Variants in TBP observed in about 807,000 individuals in gnomAD.
TBP encodes TATA-box-binding protein.
In TBP, 12 loss-of-function variants were observed where a neutral mutation model predicts 46.2. The ratio of observed to expected loss-of-function variants is 0.26; its 90% confidence interval spans 0.17 to 0.42. The LOEUF (loss-of-function observed/expected upper bound fraction) is 0.42. TBP is among the 10% of genes least tolerant of loss of function. The probability of loss-of-function intolerance (pLI) is 1.00; values close to 1 mark genes in which losing one functional copy is unlikely to be tolerated. For synonymous variants in TBP, 157 were observed against 148.3 expected, an observed-to-expected ratio of 1.06 and a Z score of -0.42; for missense variants, 229 against 403.1, an observed-to-expected ratio of 0.57 and a Z score of 3.70.
rs1244710152 is a variant in TBP at position 170,562,020 on chromosome 6, AGGCAGT to A, written c.290_295del (p.Val97_Ala98del). ...CAGCAGCAGCAGCAGCAGCAGCAAC[AGGCAGT>A]GGCAGCTGCAGCCGTTCAGCAGTCA... On this transcript the variant is annotated inframe_deletion, in exon 3 of 8. Coordinates refer to ENST00000392092, the MANE Select transcript of TBP (RefSeq NM_003194.5). The A allele has an allele frequency of 1.2e-6, 2 of 1,611,808 alleles. No homozygotes were observed. The highest frequency in any genetic ancestry group is 1.7e-6 in the Non-Finnish European group (2 of 1,179,570).
At chr6:170,566,868 A>G (rs745424208) in intron 4 of TBP, 50 bp from the exon 5 acceptor site, 2 of 1,563,790 alleles carry the variant, frequency 1.3e-6, no homozygotes, top group East Asian at 2.3e-5. Context: ...GCCTAACAAC[A>G]TTGAGCAGTT....
rs189123194 is a variant in TBP, at chr6:170,568,921, T to C, written c.678-691T>C. ...TCCACCTCCCAGGTTCAAGTGATTCTCCTGCCTCAGCCTCCCAAGTAGCTG... is the reference window on the plus strand; with the variant it reads ...TCCACCTCCCAGGTTCAAGTGATTCCCCTGCCTCAGCCTCCCAAGTAGCTG... On this transcript the variant is annotated intron_variant, in intron 5 of 7. Transcript: ENST00000392092. 5.9e-4 allele frequency among the ~76,000 whole-genome samples: 83 copies of C among 141,600 alleles called. 3 individuals carry two copies. The East Asian group carries it at 0.017, about 30-fold the overall frequency. The allele number at this position is 141,600 out of a possible 152,430, so 92.9% of individuals were successfully genotyped here. A position where few individuals can be genotyped will look rare whatever the true frequency, so the allele number is the denominator to read the frequency against.
At chr6:170,569,907 T>A (rs1276316606) in intron 6 of TBP, 128 bp downstream of exon 6, 4 of 864,432 alleles carry the variant, frequency 4.6e-6, no homozygotes, top group Non-Finnish European at 6.8e-6. Context: ...GTTGTATGTA[T>A]TCTTGCATTG....
intron 5 of TBP, among the ~76,000 whole-genome samples, chr6:170,568,760 C>T (rs1463012962): frequency 6.8e-6 from 1 of 148,008 alleles, no homozygotes; most frequent in Non-Finnish European, 1.5e-5. Context: ...ACCTGCCTGC[C>T]TGCCTTTTTC....
At chr6:170,571,953 G>C (rs1482994266) in intron 7 of TBP, among the ~76,000 whole-genome samples, 6 of 151,714 alleles carry the variant, frequency 4.0e-5, no homozygotes, top group Non-Finnish European at 5.9e-5. Context: ...TGCCTCTTGA[G>C]CTATAGAATG....
At chr6:170,557,628 G>A (rs1779053035) in intron 2 of TBP, among the ~76,000 whole-genome samples, 1 of 149,686 alleles carries the variant, frequency 6.7e-6, no homozygotes, top group East Asian at 2.0e-4. Context: ...CCAGCTACTC[G>A]GGAGGCTGAG....
intron 5 of TBP, among the ~76,000 whole-genome samples, chr6:170,568,647 G>T (rs975381869): frequency 6.6e-5 from 10 of 151,504 alleles, no homozygotes; most frequent in Admixed American, 5.3e-4. Context: ...TAGAGATGGG[G>T]TTTCACTGTG....
Position 170,562,222 on chromosome 6 carries a change from A to G in TBP, c.486A>G (p.Val162=). ...CAGCTTCGGAGAGTTCTGGGATTGT[A>G]CCGCAGCTGCAGTGAGTACTTCGTG... The part of the protein sequence containing the change: ...ATPASESSGI[V]PQLQNIVSTV... Residue 162 remains valine (V), a synonymous_variant, in exon 3 of 8, where the codon GTA becomes GTG. Coordinates refer to ENST00000392092, the MANE Select transcript of TBP (RefSeq NM_003194.5). The G allele has an allele frequency of 6.2e-7, 1 of 1,613,842 alleles. No homozygotes were observed. Among genetic ancestry groups the G allele is most frequent in the Non-Finnish European group, 8.5e-7 (1 of 1,179,786 alleles).
At chr6:170,570,083 C>CCT (rs10632592) in intron 6 of TBP, among the ~76,000 whole-genome samples, 83,524 of 151,898 alleles carry the variant, frequency 0.55, 23,477 homozygotes, top group East Asian at 0.79. Context: ...TTGACCCTAA[C>CCT]CTTGTATCAA....
chr6:170,562,296 C>G lies in TBP; in HGVS notation c.497+63C>G, dbSNP rs1439936468. ...AGTCCCTTTGAGTTATGTTCCTGCT[C>G]TGTTTTCAGATGGATCCTTTTATTA... On this transcript the variant is annotated intron_variant, in intron 3 of 7. Coordinates refer to ENST00000392092, the MANE Select transcript of TBP (RefSeq NM_003194.5). 19 of 1,508,206 alleles carry G rather than the reference C, an allele frequency of 1.3e-5. No homozygotes were observed. The South Asian group carries it at 2.3e-4, about 19-fold the overall frequency. 93.4% of individuals were successfully genotyped at this position (1,508,206 alleles called of 1,614,324 possible).
chr6:170,567,048 T>C (rs779959339), intron 5 of TBP, 39 bp downstream of exon 5: 47 of 1,557,416 alleles, frequency 3.0e-5, no homozygotes, highest in Non-Finnish European at 4.1e-5. Context: ...CTATGGGTTA[T>C]GAATGAAAAG....
intron 5 of TBP, 57 bp downstream of exon 5, chr6:170,567,066 C>T: frequency 6.8e-7 from 1 of 1,460,598 alleles, no homozygotes; most frequent in Admixed American, 1.9e-5. Flanking sequence ...AAGGTGATAT[C>T]TCATTGTTTT....
chr6:170,572,814 T>TTG lies in TBP; in HGVS notation c.*550_*551insGT, dbSNP rs1479931945. Reference sequence around the variant, plus strand: ...TGAATGGCTGTACATATTTTTTTCTTTCTTCAGAGTACTCTGTACAATAAA... The same window carrying TTG: ...TGAATGGCTGTACATATTTTTTTCTTTGTCTTCAGAGTACTCTGTACAATAAA... On this transcript the variant is annotated 3_prime_UTR_variant, in exon 8 of 8. Coordinates refer to ENST00000392092, the MANE Select transcript of TBP (RefSeq NM_003194.5). 2 of 153,234 alleles carry TTG rather than the reference T, an allele frequency of 1.3e-5. No individual in the cohort carries two copies. Among genetic ancestry groups the TTG allele is most frequent in the African/African-American group, 4.8e-5 (2 of 41,466 alleles). 9.5% of individuals were successfully genotyped at this position (153,234 alleles called of 1,614,324 possible).
chr6:170,566,947 A>G lies in TBP; in HGVS notation c.615A>G (p.Arg205=), dbSNP rs1779263158. 6.2e-7 allele frequency: 1 copy of G among 1,613,768 alleles called. No homozygotes were observed. The highest frequency in any genetic ancestry group is 8.5e-7 in the Non-Finnish European group (1 of 1,179,782). ...KRFAAVIMRI[R]EPRTTALIFS... is the part of the protein sequence containing the mutation. The stretch of plus-strand genomic sequence containing the variant: ...TTGCTGCGGTAATCATGAGGATAAG[A>G]GAGCCACGAACCACGGCACTGATTT... The change falls in exon 5 of 8, where the codon AGA becomes AGG. Residue 205 remains arginine, a synonymous_variant. Transcript: ENST00000392092.
chr6:170,557,318 CT>C (rs1367814842), intron 2 of TBP, among the ~76,000 whole-genome samples: 1 of 152,178 alleles, frequency 6.6e-6, no homozygotes, highest in Non-Finnish European at 1.5e-5. Flanking sequence ...TTGATAAACA[CT>C]TATGAGAATG....
chr6:170,562,502 G>A (rs906666119), intron 3 of TBP, among the ~76,000 whole-genome samples: 7 of 152,112 alleles, frequency 4.6e-5, no homozygotes, highest in Non-Finnish European at 7.4e-5. Context: ...TTTCACTGTC[G>A]TTATTATTAT....
At chr6:170,559,896 G>A (rs1395137039) in intron 2 of TBP, among the ~76,000 whole-genome samples, 1 of 152,142 alleles carries the variant, frequency 6.6e-6, no homozygotes, top group East Asian at 1.9e-4. Context: ...CTCATGTTCT[G>A]CTCTAAAACC....
chr6:170,568,273 C>G, intron 5 of TBP, among the ~76,000 whole-genome samples: 1 of 152,146 alleles, frequency 6.6e-6, no homozygotes, highest in East Asian at 1.9e-4. Context: ...CTTTTTGTCC[C>G]AGAGCATCTG....
At chr6:170,558,814 C>T (rs1301109893) in intron 2 of TBP, among the ~76,000 whole-genome samples, 1 of 151,928 alleles carries the variant, frequency 6.6e-6, no homozygotes, top group Non-Finnish European at 1.5e-5. Context: ...CTGCCTCAGC[C>T]TCCCAAGTAG....
Sources: gnomAD v4.1 joint callset for allele counts (sites outside exome capture counted in the v4.1 genomes callset) on GRCh38, gnomAD v4.1.1 for gene constraint, MANE v1.5 for transcripts, NCBI Gene and HGNC (gene_info 2026-07-23, HGNC 2026-07-21) for gene names.